ARHGAP6: variants seen among roughly 807,000 people sequenced by gnomAD.
The protein encoded by ARHGAP6 is rho GTPase-activating protein 6.
ARHGAP6 carries 16 observed loss-of-function variants against 55.7 expected under a neutral mutation model. That is an observed-to-expected ratio of 0.29 (90% CI 0.19 to 0.44). The LOEUF is 0.44. Among genes scored for constraint, ARHGAP6 ranks in the 20% least tolerant of loss-of-function variants. The pLI is 1.00. For missense variants in ARHGAP6, 698 were observed against 808.9 expected (o/e 0.86, Z 1.66); for synonymous variants, 382 against 360.9 (o/e 1.06, Z -0.66).
intron 1 of ARHGAP6, among the ~76,000 whole-genome samples, chrX:11,556,633 T>C (rs2051322467): frequency 8.9e-6 from 1 of 111,880 alleles, no homozygotes; most frequent in South Asian, 3.7e-4. Flanking sequence ...AGAAAAGGAG[T>C]TCCTCGAGAC....
intron 1 of ARHGAP6, among the ~76,000 whole-genome samples, chrX:11,274,017 G>A (rs2047724078): frequency 9.0e-6 from 1 of 111,185 alleles, no homozygotes; most frequent in African/African-American, 3.3e-5. Context: ...GACACATATT[G>A]CAAGTGGCAT....
chrX:11,413,042 C>T (rs1192926967), intron 1 of ARHGAP6, among the ~76,000 whole-genome samples: 6 of 112,078 alleles, frequency 5.4e-5, no homozygotes, highest in East Asian at 5.6e-4. Context: ...GGTGCTGACC[C>T]GGTTTCTATT....
chrX:11,425,940 A>G (rs994112258), intron 1 of ARHGAP6, among the ~76,000 whole-genome samples: 15 of 111,685 alleles, frequency 1.3e-4, no homozygotes, highest in African/African-American at 4.9e-4. Context: ...AATGGGCACA[A>G]TGAGCACAGA....
At chrX:11,445,573 G>A (rs1450354014) in intron 1 of ARHGAP6, among the ~76,000 whole-genome samples, 1 of 112,251 alleles carries the variant, frequency 8.9e-6, no homozygotes, top group East Asian at 2.8e-4. Context: ...GCAGCATGCA[G>A]ATGTAGCCAA....
At chrX:11,216,909 C>T (rs2147404256) in intron 2 of ARHGAP6, among the ~76,000 whole-genome samples, 1 of 110,139 alleles carries the variant, frequency 9.1e-6, no homozygotes, top group East Asian at 2.9e-4. Context: ...TGTTCCCCTC[C>T]CTGTGTCCAT....
chrX:11,456,802 A>C (rs1049874303), intron 1 of ARHGAP6, among the ~76,000 whole-genome samples: 1 of 112,831 alleles, frequency 8.9e-6, no homozygotes, highest in African/African-American at 3.2e-5. Flanking sequence ...AATCTATTCT[A>C]TTCCAAATAT....
chrX:11,555,313 AC>A (rs1424510302), intron 1 of ARHGAP6, among the ~76,000 whole-genome samples: 1 of 111,829 alleles, frequency 8.9e-6, no homozygotes, highest in Non-Finnish European at 1.9e-5. Context: ...GGCCACAAAT[AC>A]ACAAATAATG....
intron 1 of ARHGAP6, among the ~76,000 whole-genome samples, chrX:11,325,183 A>T (rs1330006144): frequency 8.9e-6 from 1 of 112,150 alleles, no homozygotes; most frequent in African/African-American, 3.2e-5. Flanking sequence ...GTTCCAAATA[A>T]GAAAAATAAG....
chrX:11,468,556 AT>A (rs911374784), intron 1 of ARHGAP6, among the ~76,000 whole-genome samples: 4 of 112,629 alleles, frequency 3.6e-5, no homozygotes, highest in Admixed American at 2.8e-4. Flanking sequence ...GAAAAGTAAT[AT>A]TTTTAAAATG....
intron 1 of ARHGAP6, among the ~76,000 whole-genome samples, chrX:11,557,269 G>A (rs997824618): frequency 1.8e-5 from 2 of 111,797 alleles, no homozygotes; most frequent in African/African-American, 6.5e-5. Flanking sequence ...GAGACAGTAT[G>A]ACAGCTATGA....
intron 1 of ARHGAP6, among the ~76,000 whole-genome samples, chrX:11,336,141 A>G (rs1046143570): frequency 6.2e-5 from 7 of 112,370 alleles, no homozygotes; most frequent in African/African-American, 2.3e-4. Flanking sequence ...TATTCAAATA[A>G]TTATTTTTAA....
chrX:11,473,282 C>T (rs896297139), intron 1 of ARHGAP6, among the ~76,000 whole-genome samples: 10 of 111,428 alleles, frequency 9.0e-5, no homozygotes, highest in Admixed American at 6.7e-4. Flanking sequence ...ATAGTAACCC[C>T]AAAAGGGATA....
At chrX:11,609,460 T>C (rs143842735) in intron 1 of ARHGAP6, among the ~76,000 whole-genome samples, 28 of 111,532 alleles carry the variant, frequency 2.5e-4, no homozygotes, top group African/African-American at 8.8e-4. Context: ...TTGAGGGCTA[T>C]TCTCTGAGGC....
At chrX:11,383,094 C>T (rs1388683055) in intron 1 of ARHGAP6, among the ~76,000 whole-genome samples, 1 of 112,161 alleles carries the variant, frequency 8.9e-6, no homozygotes, top group African/African-American at 3.2e-5. Context: ...TGACATCAAT[C>T]AGATTGGCAT....
At chrX:11,146,360 A>G (rs1032483244) in intron 10 of ARHGAP6, among the ~76,000 whole-genome samples, 2 of 111,879 alleles carry the variant, frequency 1.8e-5, no homozygotes, top group Non-Finnish European at 3.8e-5. Flanking sequence ...GAATCCCTGG[A>G]GGTAGAGGTA....
intron 1 of ARHGAP6, chrX:11,290,307 T>C (rs1043410820): frequency 2.5e-5 from 7 of 277,428 alleles, no homozygotes; most frequent in Non-Finnish European, 3.5e-5. Context: ...CATCAACACA[T>C]TTATCTAGCA....
intron 1 of ARHGAP6, among the ~76,000 whole-genome samples, chrX:11,542,801 G>A (rs1160205953): frequency 1.8e-5 from 2 of 111,890 alleles, no homozygotes; most frequent in South Asian, 3.8e-4. Context: ...GTCACATCTT[G>A]GATGTGAACT....
chrX:11,547,634 G>A (rs2051224394), intron 1 of ARHGAP6, among the ~76,000 whole-genome samples: 1 of 111,643 alleles, frequency 9.0e-6, no homozygotes, highest in Admixed American at 9.5e-5. Context: ...TTCTATTTCT[G>A]TGCTCCTCTC....
At chrX:11,385,896 C>T (rs2049322844) in intron 1 of ARHGAP6, among the ~76,000 whole-genome samples, 1 of 112,092 alleles carries the variant, frequency 8.9e-6, no homozygotes, top group African/African-American at 3.2e-5. Context: ...AAAAGACTAG[C>T]TTGATATACT....
Sources: gnomAD v4.1 joint callset for allele counts (sites outside exome capture counted in the v4.1 genomes callset) on GRCh38, gnomAD v4.1.1 for gene constraint, MANE v1.5 for transcripts, NCBI Gene and HGNC (gene_info 2026-07-23, HGNC 2026-07-21) for gene names.